PRSS23: variants seen among roughly 807,000 people sequenced by gnomAD.
PRSS23 encodes protease, serine 23.
PRSS23 carries 25 observed loss-of-function variants against 34.7 expected under a neutral mutation model. The observed-to-expected ratio is 0.72, with a 90% CI of 0.53 to 1.01. PRSS23 has a LOEUF of 1.01. Among genes scored for constraint, PRSS23 ranks in the 50% least tolerant of loss-of-function variants. The pLI is 0.00. For synonymous variants in PRSS23, 176 were observed against 186.6 expected (o/e 0.94, Z 0.46); for missense variants, 445 against 475.6 (o/e 0.94, Z 0.60).
chr11:86,935,595 T>C (rs1256699561), intron 2 of PRSS23: 1 of 152,182 alleles, frequency 6.6e-6, no homozygotes, highest in Non-Finnish European at 1.5e-5. Context: ...CCATTACCAA[T>C]TACTAAACAC....
chr11:86,801,743 C>A (rs1948041439), intron 1 of PRSS23, among the ~76,000 whole-genome samples: 1 of 152,186 alleles, frequency 6.6e-6, no homozygotes, highest in South Asian at 2.1e-4. Flanking sequence ...ACCGTGCCTA[C>A]CATGAAGTCT....
chr11:86,908,980 T>C (rs1033480063), intron 2 of PRSS23: 7 of 151,782 alleles, frequency 4.6e-5, no homozygotes, highest in African/African-American at 1.5e-4. Flanking sequence ...TTTTTCTTTT[T>C]TTTTTTTTTA....
intron 2 of PRSS23, among the ~76,000 whole-genome samples, chr11:86,855,688 G>A (rs1001933589): frequency 2.0e-5 from 3 of 152,192 alleles, no homozygotes; most frequent in Non-Finnish European, 4.4e-5. Flanking sequence ...TAGAGATGGA[G>A]TTTCACCATG....
At chr11:86,939,426 A>ATTTTTTTTTTTT in intron 2 of PRSS23, among the ~76,000 whole-genome samples, 17 of 94,070 alleles carry the variant, frequency 1.8e-4, no homozygotes, top group South Asian at 3.5e-4. Context: ...ATATATATAT[A>ATTTTTTTTTTTT]TTTTTTAACA....
At chr11:86,896,019 G>T (rs2134978384) in intron 2 of PRSS23, among the ~76,000 whole-genome samples, 1 of 152,154 alleles carries the variant, frequency 6.6e-6, no homozygotes, top group East Asian at 1.9e-4. Flanking sequence ...CAGGCTTATG[G>T]CAGTAGCTGT....
At chr11:86,852,918 A>T (rs1948540702) in intron 2 of PRSS23, among the ~76,000 whole-genome samples, 1 of 152,124 alleles carries the variant, frequency 6.6e-6, no homozygotes, top group Non-Finnish European at 1.5e-5. Flanking sequence ...CAGTGGCATG[A>T]TCTCGGCTCA....
intron 2 of PRSS23, among the ~76,000 whole-genome samples, chr11:86,835,824 G>A (rs1237522108): frequency 2.5e-4 from 38 of 152,142 alleles, no homozygotes; most frequent in Admixed American, 2.4e-3. Flanking sequence ...GTGCTTGGGT[G>A]GCTTGATGGC....
chr11:86,899,859 G>A (rs1948899955), intron 2 of PRSS23, among the ~76,000 whole-genome samples: 2 of 151,922 alleles, frequency 1.3e-5, no homozygotes, highest in Admixed American at 1.3e-4. Flanking sequence ...CTACCCCAAG[G>A]GAGGCCTCAG....
chr11:86,887,880 T>G (rs1472048604), intron 2 of PRSS23, among the ~76,000 whole-genome samples: 1 of 151,948 alleles, frequency 6.6e-6, no homozygotes, highest in African/African-American at 2.4e-5. Context: ...AGTGAAAATG[T>G]GTCTCTACTA....
chr11:86,806,160 C>G (rs1400198027), intron 1 of PRSS23, among the ~76,000 whole-genome samples: 1 of 152,232 alleles, frequency 6.6e-6, no homozygotes, highest in East Asian at 1.9e-4. Flanking sequence ...ACACATAGCA[C>G]TTCACAATCT....
At chr11:86,945,277 A>T (rs1417155702) in intron 2 of PRSS23, among the ~76,000 whole-genome samples, 2 of 151,958 alleles carry the variant, frequency 1.3e-5, no homozygotes, top group Admixed American at 1.3e-4. Flanking sequence ...CAAAAGTTCT[A>T]GCAATGATGG....
Position 86,808,505 on chromosome 11 carries a change from G to A in PRSS23, c.862G>A (p.Gly288Ser). 6.2e-7 allele frequency: 1 copy of A among 1,614,244 alleles called. No homozygotes were observed. The stretch of plus-strand genomic sequence containing the variant: ...CTCTGGTTATGACAATGACCGACCA[G>A]GCAATTTGGTGTATCGCTTCTGTGA... Reference protein sequence around the residue: ...HFSGYDNDRPGNLVYRFCDVK... With the variant: ...HFSGYDNDRPSNLVYRFCDVK... Residue 288 changes from glycine (G) to serine (S), a missense_variant, in exon 2 of 2, where the codon GGC becomes AGC. Coordinates refer to ENST00000280258, the MANE Select transcript of PRSS23 (RefSeq NM_007173.6).
intron 2 of PRSS23, chr11:86,910,331 G>A (rs1221659750): frequency 6.6e-6 from 1 of 152,070 alleles, no homozygotes; most frequent in Non-Finnish European, 1.5e-5. Context: ...TAATAATACT[G>A]TGCACCTTCT....
chr11:86,802,668 A>G (rs1211558916), intron 1 of PRSS23, among the ~76,000 whole-genome samples: 2 of 152,210 alleles, frequency 1.3e-5, no homozygotes, highest in South Asian at 2.1e-4. Context: ...AATTTGTACA[A>G]TAGAGAATAC....
At chr11:86,841,018 A>C (rs1948443246) in intron 2 of PRSS23, among the ~76,000 whole-genome samples, 1 of 152,212 alleles carries the variant, frequency 6.6e-6, no homozygotes, top group Non-Finnish European at 1.5e-5. Flanking sequence ...GGAAAGATCT[A>C]AAATTGACAC....
intron 2 of PRSS23, among the ~76,000 whole-genome samples, chr11:86,901,911 C>T (rs972755026): frequency 2.0e-5 from 3 of 152,044 alleles, no homozygotes; most frequent in Non-Finnish European, 2.9e-5. Flanking sequence ...TTTATGAAAA[C>T]CAGGGTACTT....
chr11:86,863,969 T>A (rs1216251228), intron 2 of PRSS23, among the ~76,000 whole-genome samples: 1 of 152,230 alleles, frequency 6.6e-6, no homozygotes, highest in Non-Finnish European at 1.5e-5. Context: ...TGGGACCCCA[T>A]GTCCATGACG....
At chr11:86,802,604 C>G (rs1275680601) in intron 1 of PRSS23, among the ~76,000 whole-genome samples, 1 of 152,188 alleles carries the variant, frequency 6.6e-6, no homozygotes, top group Non-Finnish European at 1.5e-5. Flanking sequence ...TCTTTGCAAA[C>G]TTTCCTGCCG....
At chr11:86,881,034 C>G (rs997314001) in intron 2 of PRSS23, among the ~76,000 whole-genome samples, 2 of 152,072 alleles carry the variant, frequency 1.3e-5, no homozygotes, top group Non-Finnish European at 2.9e-5. Flanking sequence ...TATTTGATTG[C>G]TTTTTTCATT....
Sources: gnomAD v4.1 joint callset for allele counts (sites outside exome capture counted in the v4.1 genomes callset) on GRCh38, gnomAD v4.1.1 for gene constraint, MANE v1.5 for transcripts, NCBI Gene and HGNC (gene_info 2026-07-23, HGNC 2026-07-21) for gene names.